Variants in CD247 observed in about 807,000 individuals in gnomAD.
CD247 encodes T-cell surface glycoprotein CD3 zeta chain.
Under a neutral mutation model 30.0 loss-of-function variants are expected in CD247, and 13 were observed. That is an observed-to-expected ratio of 0.43 (90% CI 0.28 to 0.69). The LOEUF (loss-of-function observed/expected upper bound fraction) is 0.69, where lower values mean the gene tolerates loss of function less well. Ranked by LOEUF, CD247 falls within the 30% of genes least tolerant of loss-of-function variation. CD247 has a pLI of 0.16. For missense variants in CD247, 193 were observed against 212.6 expected (o/e 0.91, Z 0.57); for synonymous variants, 72 against 80.0 (o/e 0.90, Z 0.53).
intron 1 of CD247, among the ~76,000 whole-genome samples, chr1:167,455,036 C>A (rs1049227323): frequency 3.9e-5 from 6 of 152,220 alleles, no homozygotes; most frequent in Non-Finnish European, 5.9e-5. Context: ...CAGGCCTCCG[C>A]CCCTCGGTGC....
intron 7 of CD247, among the ~76,000 whole-genome samples, chr1:167,432,436 C>T (rs181952393): frequency 1.3e-4 from 20 of 152,302 alleles, no homozygotes; most frequent in African/African-American, 4.1e-4. Flanking sequence ...GTCAGAAGAA[C>T]GAGCTATGAA....
At chr1:167,434,754 G>A in intron 5 of CD247, 1 of 454,360 alleles carries the variant, frequency 2.2e-6, no homozygotes, top group South Asian at 1.6e-5. Context: ...TTTGGGGAGG[G>A]AAGGGAGATT....
intron 1 of CD247, among the ~76,000 whole-genome samples, chr1:167,507,939 A>G (rs1272009295): frequency 2.0e-5 from 3 of 152,204 alleles, no homozygotes; most frequent in Non-Finnish European, 4.4e-5. Context: ...TGAGGAAGCT[A>G]TGGTCTGAAA....
intron 1 of CD247, among the ~76,000 whole-genome samples, chr1:167,474,944 G>A (rs886118544): frequency 2.0e-5 from 3 of 151,526 alleles, no homozygotes; most frequent in African/African-American, 7.3e-5. Context: ...GTAGAGACAG[G>A]TTTCACCAAG....
At chr1:167,451,950 C>T (rs1368791865) in intron 1 of CD247, among the ~76,000 whole-genome samples, 5 of 151,822 alleles carry the variant, frequency 3.3e-5, no homozygotes, top group Admixed American at 1.3e-4. Context: ...CGGCCGGGTG[C>T]GGTGGCTCAT....
At chr1:167,517,861 C>G (rs35504184) in intron 1 of CD247, among the ~76,000 whole-genome samples, 9 of 152,190 alleles carry the variant, frequency 5.9e-5, no homozygotes, top group Non-Finnish European at 8.8e-5. Flanking sequence ...CTGCCTGTGC[C>G]CCTCTCCTCC....
At chr1:167,444,610 T>C (rs1651985141) in intron 1 of CD247, among the ~76,000 whole-genome samples, 1 of 152,152 alleles carries the variant, frequency 6.6e-6, no homozygotes, top group African/African-American at 2.4e-5. Flanking sequence ...GGCTCTGACT[T>C]AAGTGGCCTG....
intron 1 of CD247, among the ~76,000 whole-genome samples, chr1:167,486,711 C>T (rs1654223669): frequency 6.6e-6 from 1 of 152,118 alleles, no homozygotes; most frequent in Non-Finnish European, 1.5e-5. Context: ...CTGCAACCCC[C>T]AGGAAAGAGC....
In CD247 at chr1:167,430,899, G is replaced by C. The variant is rs992233631; in HGVS notation, c.*782C>G. 2.5e-6 allele frequency: 1 copy of C among 398,726 alleles called. No homozygotes were observed. The highest frequency in any genetic ancestry group is 1.3e-4 in the South Asian group (1 of 7,870). 24.7% of individuals were successfully genotyped at this position (398,726 alleles called of 1,614,324 possible). On this transcript the variant is annotated 3_prime_UTR_variant, in exon 8 of 8. Transcript: ENST00000362089. Reference sequence around the variant, plus strand: ...TTTTGTCATTCGCTGAAAGCGTGAAGTGAATCAACGGCCTCCTCTTGCTCC... The same window carrying C: ...TTTTGTCATTCGCTGAAAGCGTGAACTGAATCAACGGCCTCCTCTTGCTCC...
At chr1:167,438,878 C>CTA (rs1345419698) in intron 3 of CD247, among the ~76,000 whole-genome samples, 1 of 152,194 alleles carries the variant, frequency 6.6e-6, no homozygotes, top group Admixed American at 6.5e-5. Context: ...TCACCAAGTA[C>CTA]TATAGGCTGA....
chr1:167,471,819 T>C (rs1653537471), intron 1 of CD247, among the ~76,000 whole-genome samples: 1 of 149,976 alleles, frequency 6.7e-6, no homozygotes, highest in South Asian at 2.1e-4. Context: ...TTTTTTTTCT[T>C]TCTGTTTCTT....
chr1:167,470,575 C>T (rs1653472407), intron 1 of CD247, among the ~76,000 whole-genome samples: 1 of 147,408 alleles, frequency 6.8e-6, no homozygotes, highest in Non-Finnish European at 1.5e-5. Flanking sequence ...TAAAAATTAG[C>T]CAAAAACCAA....
intron 1 of CD247, among the ~76,000 whole-genome samples, chr1:167,455,412 G>C (rs1471404561): frequency 6.6e-6 from 1 of 152,160 alleles, no homozygotes; most frequent in Admixed American, 6.5e-5. Flanking sequence ...AACCACACCC[G>C]TGAAGGACGC....
chr1:167,449,032 C>G (rs140527768), intron 1 of CD247, among the ~76,000 whole-genome samples: 2 of 152,062 alleles, frequency 1.3e-5, no homozygotes, highest in South Asian at 2.1e-4. Context: ...GAGGGAAGAA[C>G]AGGGCTGTAT....
chr1:167,476,167 C>T (rs1018683051), intron 1 of CD247, among the ~76,000 whole-genome samples: 3 of 152,216 alleles, frequency 2.0e-5, no homozygotes, highest in Non-Finnish European at 4.4e-5. Flanking sequence ...AGAAGTGAAG[C>T]GCTATAACAT....
intron 1 of CD247, among the ~76,000 whole-genome samples, chr1:167,452,082 A>G (rs1038505275): frequency 6.6e-6 from 1 of 152,220 alleles, no homozygotes. Flanking sequence ...AAAATTAGCC[A>G]GGTGTGGTGG....
At chr1:167,479,616 G>A (rs1180882401) in intron 1 of CD247, among the ~76,000 whole-genome samples, 2 of 152,266 alleles carry the variant, frequency 1.3e-5, no homozygotes, top group African/African-American at 4.8e-5. Flanking sequence ...CCCATCATGT[G>A]GCTTTTAGGG....
chr1:167,454,506 G>A (rs1652534154), intron 1 of CD247, among the ~76,000 whole-genome samples: 4 of 152,262 alleles, frequency 2.6e-5, no homozygotes, highest in Admixed American at 2.6e-4. Flanking sequence ...GAAGCGCTTT[G>A]CGCCCAGCCC....
chr1:167,464,702 A>C (rs1446558427), intron 1 of CD247, among the ~76,000 whole-genome samples: 1 of 152,244 alleles, frequency 6.6e-6, no homozygotes, highest in South Asian at 2.1e-4. Context: ...AAAAGGATCT[A>C]CAGAGAATTT....
Sources: gnomAD v4.1 joint callset for allele counts (sites outside exome capture counted in the v4.1 genomes callset) on GRCh38, gnomAD v4.1.1 for gene constraint, MANE v1.5 for transcripts, NCBI Gene and HGNC (gene_info 2026-07-23, HGNC 2026-07-21) for gene names.